The following SLC2A14 variants were observed in gnomAD, a reference collection of about 807,000 sequenced individuals.
SLC2A14 encodes solute carrier family 2 member 14, also known as solute carrier family 2, facilitated glucose transporter member 14.
A neutral mutation model predicts 43.0 loss-of-function variants in SLC2A14; 13 were observed. The observed-to-expected ratio is 0.30, with a 90% CI of 0.20 to 0.48. The LOEUF (loss-of-function observed/expected upper bound fraction) is 0.48, where lower values mean the gene tolerates loss of function less well. SLC2A14 is among the 20% of genes least tolerant of loss of function. The pLI is 0.99. For synonymous variants in SLC2A14, 190 were observed against 233.8 expected, an observed-to-expected ratio of 0.81 and a Z score of 1.71; for missense variants, 428 against 620.4, an observed-to-expected ratio of 0.69 and a Z score of 3.29.
chr12:7,873,294 T>C (rs1411126382), upstream of SLC2A14: 5 of 985,446 alleles, frequency 5.1e-6, no homozygotes, highest in East Asian at 4.5e-4. Flanking sequence ...GTGCCCGGGC[T>C]ATCCCCGCGG....
intron 2 of SLC2A14, among the ~76,000 whole-genome samples, chr12:7,866,650 G>A (rs774697100): frequency 5.9e-5 from 9 of 152,294 alleles, no homozygotes; most frequent in African/African-American, 1.2e-4. Context: ...ACAGGCATAA[G>A]CTACTGGGCC....
intron 2 of SLC2A14, among the ~76,000 whole-genome samples, chr12:7,863,906 C>A (rs959791860): frequency 9.9e-5 from 15 of 151,762 alleles, no homozygotes; most frequent in Non-Finnish European, 1.9e-4. Context: ...ACCTCCACCA[C>A]CCGGGTTCAA....
chr12:7,826,873 CTTTCTTTCTTTCTTTCT>C (rs1864444462), intron 7 of SLC2A14, among the ~76,000 whole-genome samples: 4 of 19,992 alleles, frequency 2.0e-4, no homozygotes, highest in Non-Finnish European at 2.9e-4. Context: ...TTCTTTCTTT[CTTTCTTTCTTTCTTTCT>C]TTCTTTCTTT....
chr12:7,874,423 C>T (rs1440612789), upstream of SLC2A14, among the ~76,000 whole-genome samples: 1 of 151,860 alleles, frequency 6.6e-6, no homozygotes, highest in Non-Finnish European at 1.5e-5. Context: ...CCTGTAATCC[C>T]AGCACTTTGG....
At chr12:7,821,737 C>G (rs115768530) in intron 7 of SLC2A14, among the ~76,000 whole-genome samples, 6 of 151,898 alleles carry the variant, frequency 4.0e-5, no homozygotes, top group Admixed American at 3.3e-4. Flanking sequence ...TCTTTTTTGA[C>G]GGAGTCTCAA....
intron 1 of SLC2A14, among the ~76,000 whole-genome samples, chr12:7,880,057 C>T (rs1214507740): frequency 6.6e-6 from 1 of 151,616 alleles, no homozygotes; most frequent in East Asian, 1.9e-4. Context: ...AATCCCAGCA[C>T]TTTGGGAGGC....
chr12:7,837,775 C>T (rs10466775), intron 2 of SLC2A14, among the ~76,000 whole-genome samples: 147,018 of 151,662 alleles, frequency 0.97, 71,358 homozygotes, highest in East Asian at 1. Flanking sequence ...TTATTTTTTT[C>T]GAGATGGAGT....
In SLC2A14 at chr12:7,885,614, T is replaced by G. The variant is rs190034434; in HGVS notation, c.132+5382A>C. 1.1e-3 allele frequency among the ~76,000 whole-genome samples: 174 copies of G among 151,950 alleles called. 1 individual carries two copies. Among genetic ancestry groups the G allele is most frequent in the Non-Finnish European group, 2.2e-3 (149 of 67,944 alleles). On this transcript the variant is annotated intron_variant, in intron 1 of 9. Coordinates refer to the SLC2A14 transcript ENST00000539924. The stretch of plus-strand genomic sequence containing the variant: ...TGAGCAGTGCTTCTCTAATTTAGTA[T>G]ATACAAAAATCAGAGATTCTTTCAA...
chr12:7,864,823 G>A (rs1037423994), intron 2 of SLC2A14, among the ~76,000 whole-genome samples: 14 of 152,040 alleles, frequency 9.2e-5, no homozygotes, highest in African/African-American at 3.4e-4. Context: ...AATCAGATAA[G>A]CCTCCATACT....
rs755432534 is a variant in SLC2A14, at chr12:7,841,209, C to T, written c.19-8395G>A. Among the ~76,000 whole-genome samples the T allele has an allele frequency of 3.9e-5, 6 of 152,180 alleles. No homozygotes were observed. In the South Asian group the frequency reaches 8.3e-4, roughly 21 times the overall value. On this transcript the variant is annotated intron_variant, in intron 2 of 10. Transcript: ENST00000431042. ...AGAGTTCCCATGTACTCCCTTAACA[C>T]CCCTAATACTAACATTTGCATTAGT...
At chr12:7,856,221 C>T (rs757145256) in intron 2 of SLC2A14, 3 of 152,198 alleles carry the variant, frequency 2.0e-5, no homozygotes, top group Admixed American at 2.0e-4. Flanking sequence ...GAGGCTTAGG[C>T]GAGAGGATCA....
At position 7,869,890 on chromosome 12, in the gene SLC2A14, A is replaced by G; in HGVS notation, c.-10T>C. 3 of 1,527,844 alleles carry G rather than the reference A, an allele frequency of 2.0e-6. No individual in the cohort carries two copies. The highest frequency in any genetic ancestry group is 1.2e-5 in the South Asian group (1 of 83,688). The allele number at this position is 1,527,844 out of a possible 1,614,324, so 94.6% of individuals were successfully genotyped here. A position where few individuals can be genotyped will look rare whatever the true frequency, so the allele number is the denominator to read the frequency against. ...TCTGTCTGTTGTCCATCTCTCTGCTATCCTAGGAATTGACTCCCTCTCCAA... is the reference window on the plus strand; with the variant it reads ...TCTGTCTGTTGTCCATCTCTCTGCTGTCCTAGGAATTGACTCCCTCTCCAA... On this transcript the variant is annotated 5_prime_UTR_variant, in exon 2 of 11. Coordinates refer to ENST00000431042, the MANE Select transcript of SLC2A14 (RefSeq NM_001286234.2).
Position 7,829,916 on chromosome 12 carries a change from C to G in SLC2A14, c.363G>C (p.Leu121=). 6.2e-7 allele frequency: 1 copy of G among 1,614,176 alleles called. No individual in the cohort carries two copies. Among genetic ancestry groups the G allele is most frequent in the South Asian group, 1.1e-5 (1 of 91,080 alleles). Residue 121 remains leucine (L), a synonymous_variant, in exon 5 of 11, where the codon CTG becomes CTC. Coordinates refer to ENST00000431042, the MANE Select transcript of SLC2A14 (RefSeq NM_001286234.2). ...LCKIAESVEM[L]ILGRLVIGLF... is the part of the protein sequence containing the mutation. ...GGCCAATAACCAAGCGGCCCAGGAT[C>G]AGCATTTCAACTGACTCAGCTATTT...
At chr12:7,886,534 G>C (rs1945692432) in intron 1 of SLC2A14, among the ~76,000 whole-genome samples, 1 of 151,882 alleles carries the variant, frequency 6.6e-6, no homozygotes, top group Non-Finnish European at 1.5e-5. Flanking sequence ...GGTTCTTTTT[G>C]TGTTTTTATG....
intron 2 of SLC2A14, among the ~76,000 whole-genome samples, chr12:7,842,200 C>T (rs1021559791): frequency 7.2e-5 from 11 of 152,142 alleles, no homozygotes; most frequent in African/African-American, 2.7e-4. Flanking sequence ...AAGGTCCCTG[C>T]ATGTCTTTTC....
intron 9 of SLC2A14, 70 bp downstream of exon 9, chr12:7,819,412 T>C (rs1863745801): frequency 3.2e-6 from 5 of 1,565,592 alleles, no homozygotes; most frequent in Admixed American, 2.1e-5. Flanking sequence ...ACCCACCCCT[T>C]GTGTCACAGA....
At chr12:7,842,828 A>C (rs941509092) in intron 2 of SLC2A14, among the ~76,000 whole-genome samples, 1 of 150,848 alleles carries the variant, frequency 6.6e-6, no homozygotes, top group Non-Finnish European at 1.5e-5. Context: ...TCCCGCGTTC[A>C]AGTGATTCTC....
rs57569188 is a variant in SLC2A14 at position 7,839,924 on chromosome 12, C to CAAAAAAAAAAA, written c.19-7121_19-7111dup. 5.9e-5 allele frequency: 10 copies of CAAAAAAAAAAA among 168,132 alleles called. 1 individual carries two copies. Among genetic ancestry groups the CAAAAAAAAAAA allele is most frequent in the South Asian group, 1.3e-4 (3 of 23,730 alleles). The allele number at this position is 168,132 out of a possible 1,614,324, so 10.4% of individuals were successfully genotyped here. A position where few individuals can be genotyped will look rare whatever the true frequency, so the allele number is the denominator to read the frequency against. ...GCGACACAAGGAGACCCTGTCTCTACAAAAAAAAAAAAAAAAAAAAAAAAA... is the reference window on the plus strand; with the variant it reads ...GCGACACAAGGAGACCCTGTCTCTACAAAAAAAAAAAAAAAAAAAAAAAAAAAAAAAAAAAA... On this transcript the variant is annotated intron_variant, in intron 2 of 10. Transcript: ENST00000431042.
chr12:7,841,652 G>C (rs1243211749), intron 2 of SLC2A14, among the ~76,000 whole-genome samples: 3 of 152,110 alleles, frequency 2.0e-5, no homozygotes, highest in African/African-American at 7.2e-5. Context: ...TCTTTGTGTT[G>C]TATATTCTAT....
Sources: allele counts gnomAD v4.1 joint callset (sites outside exome capture counted in the v4.1 genomes callset), GRCh38; gene constraint gnomAD v4.1.1; transcripts MANE v1.5; gene names NCBI Gene and HGNC (gene_info 2026-07-23, HGNC 2026-07-21).